USP12: variants seen among roughly 807,000 people sequenced by gnomAD.
USP12 encodes ubiquitin specific peptidase 12, also known as ubiquitin carboxyl-terminal hydrolase 12.
In USP12, 19 loss-of-function variants were observed where a neutral mutation model predicts 45.5. The ratio of observed to expected loss-of-function variants is 0.42; its 90% confidence interval spans 0.29 to 0.61. USP12 has a LOEUF of 0.61. Among genes scored for constraint, USP12 ranks in the 20% least tolerant of loss-of-function variants. The pLI is 0.22. For synonymous variants in USP12, 149 were observed against 148.8 expected, an observed-to-expected ratio of 1.00 and a Z score of -0.01; for missense variants, 242 against 447.7, an observed-to-expected ratio of 0.54 and a Z score of 4.15.
intron 1 of USP12, among the ~76,000 whole-genome samples, chr13:27,126,897 A>T (rs1876263326): frequency 6.6e-6 from 1 of 152,244 alleles, no homozygotes; most frequent in Non-Finnish European, 1.5e-5. Flanking sequence ...AATGCCTGGC[A>T]CAACAGGCAC....
At chr13:27,169,902 A>T (rs910469646) in intron 1 of USP12, among the ~76,000 whole-genome samples, 1 of 152,218 alleles carries the variant, frequency 6.6e-6, no homozygotes, top group Non-Finnish European at 1.5e-5. Context: ...TACTTGAGTG[A>T]ATGAACAGTC....
rs780538190 is a variant in USP12 at position 27,069,012 on chromosome 13, G to A, written c.*271C>T. ...AAGAGAAAATGCGTGCCAATGACTG[G>A]AAGGCTGTTTTAAAAGAGGAGCTGG... On this transcript the variant is annotated 3_prime_UTR_variant, in exon 9 of 9. Coordinates refer to ENST00000282344, the MANE Select transcript of USP12 (RefSeq NM_182488.4). 16 of 452,198 alleles carry A rather than the reference G, an allele frequency of 3.5e-5. No homozygotes were observed. Among genetic ancestry groups the A allele is most frequent in the Admixed American group, 1.2e-4 (3 of 25,230 alleles). 28.0% of individuals were successfully genotyped at this position (452,198 alleles called of 1,614,324 possible). A position where few individuals can be genotyped will look rare whatever the true frequency, so the allele number is the denominator to read the frequency against.
chr13:27,109,801 C>A (rs1379179417), intron 2 of USP12, among the ~76,000 whole-genome samples: 1 of 150,572 alleles, frequency 6.6e-6, no homozygotes, highest in Non-Finnish European at 1.5e-5. Context: ...CCCAGCTACT[C>A]GGGAGGCTGA....
At chr13:27,170,848 G>C (rs1878560538) in intron 1 of USP12, among the ~76,000 whole-genome samples, 1 of 152,222 alleles carries the variant, frequency 6.6e-6, no homozygotes, top group Non-Finnish European at 1.5e-5. Context: ...AGACAAGACT[G>C]CCACCTGGAC....
At chr13:27,162,112 T>C (rs1878136461) in intron 1 of USP12, among the ~76,000 whole-genome samples, 1 of 152,172 alleles carries the variant, frequency 6.6e-6, no homozygotes, top group Non-Finnish European at 1.5e-5. Context: ...TAAGAGGGCA[T>C]GGAGTCTTAC....
At chr13:27,169,181 G>A (rs1321725603) in intron 1 of USP12, 1 of 152,210 alleles carries the variant, frequency 6.6e-6, no homozygotes, top group Non-Finnish European at 1.5e-5. Flanking sequence ...TTACTGCACA[G>A]TAAGTATGAT....
chr13:27,085,119 T>C (rs983493555), intron 6 of USP12, among the ~76,000 whole-genome samples: 2 of 152,152 alleles, frequency 1.3e-5, no homozygotes, highest in African/African-American at 4.8e-5. Context: ...TTCCTAAGTA[T>C]TTTATTGTTT....
At chr13:27,127,839 CAG>C (rs1436241923) in intron 1 of USP12, among the ~76,000 whole-genome samples, 1 of 152,152 alleles carries the variant, frequency 6.6e-6, no homozygotes, top group African/African-American at 2.4e-5. Context: ...TAAATTTACT[CAG>C]AGGACTCCAC....
At chr13:27,089,562 T>A (rs544737735) in intron 6 of USP12, 113 of 211,882 alleles carry the variant, frequency 5.3e-4, no homozygotes, top group African/African-American at 2.4e-3. Context: ...TGGGGAGTGC[T>A]ATCTCCCTCA....
intron 1 of USP12, chr13:27,170,049 A>C: frequency 2.9e-6 from 1 of 339,812 alleles, no homozygotes. Flanking sequence ...GAAATTGACT[A>C]AGATAATAAT....
chr13:27,089,730 T>C lies in USP12; in HGVS notation c.734+153A>G, dbSNP rs139309002. ...AATAAACATTGAGTAGAATATCATTTACCTAGTAATACTTAATGAACATTA... is the reference window on the plus strand; with the variant it reads ...AATAAACATTGAGTAGAATATCATTCACCTAGTAATACTTAATGAACATTA... On this transcript the variant is annotated intron_variant, in intron 6 of 8. Coordinates refer to ENST00000282344, the MANE Select transcript of USP12 (RefSeq NM_182488.4). 297 of 663,698 alleles carry C rather than the reference T, an allele frequency of 4.5e-4. No individual in the cohort carries two copies. The African/African-American group carries it at 4.9e-3, about 11-fold the overall frequency. The allele number at this position is 663,698 out of a possible 1,614,324, so 41.1% of individuals were successfully genotyped here.
At position 27,075,318 on chromosome 13, in the gene USP12, G is replaced by C. The variant is rs368434115; in HGVS notation, c.805C>G (p.His269Asp). The C allele has an allele frequency of 1.3e-5, 21 of 1,614,040 alleles. No individual in the cohort carries two copies. Among genetic ancestry groups the C allele is most frequent in the Non-Finnish European group, 1.7e-5 (20 of 1,180,028 alleles). The change falls in exon 7 of 9, where the codon CAT becomes GAT. Residue 269 changes from histidine (H) to aspartate (D), a missense_variant. This residue lies in a region of USP12 where 94 missense variants were observed against 168.3 expected (regional missense o/e 0.56). Transcript: ENST00000282344. The part of the protein sequence containing the change: ...LKRFKYMDQL[H>D]RYTKLSYRVV... ...CGGTAAGAGAGTTTTGTATATCGAT[G>C]AAGTTGATCCATATATTTAAATCTC...
At chr13:27,125,179 T>C (rs1876169159) in intron 1 of USP12, among the ~76,000 whole-genome samples, 2 of 152,224 alleles carry the variant, frequency 1.3e-5, no homozygotes, top group African/African-American at 4.8e-5. Context: ...TAAGTATGTA[T>C]GTATGTATTG....
At chr13:27,081,613 C>T (rs538764194) in intron 6 of USP12, among the ~76,000 whole-genome samples, 1 of 152,282 alleles carries the variant, frequency 6.6e-6, no homozygotes, top group East Asian at 1.9e-4. Flanking sequence ...CTAATGGCAC[C>T]CAGAATGGTG....
chr13:27,112,033 C>A (rs1312468111), intron 2 of USP12, among the ~76,000 whole-genome samples: 1 of 152,092 alleles, frequency 6.6e-6, no homozygotes, highest in African/African-American at 2.4e-5. Flanking sequence ...AGTTTGAATA[C>A]ATTTAGGAAA....
intron 1 of USP12, among the ~76,000 whole-genome samples, chr13:27,147,195 G>A (rs1443291691): frequency 2.0e-5 from 3 of 152,122 alleles, no homozygotes; most frequent in Non-Finnish European, 4.4e-5. Flanking sequence ...TAAACTCCAC[G>A]CAGCCTACAC....
rs552562748 is a variant in USP12 at position 27,170,566 on chromosome 13, C to T, written c.48+1026G>A. On this transcript the variant is annotated intron_variant, in intron 1 of 8. Coordinates refer to ENST00000282344, the MANE Select transcript of USP12 (RefSeq NM_182488.4). ...AACTAATGAAACGAATTTGTCTCAT[C>T]ATGTGGAAAACTGTGGTCCTTCTGG... 2.6e-5 allele frequency among the ~76,000 whole-genome samples: 4 copies of T among 152,370 alleles called. No individual in the cohort carries two copies. The East Asian group carries it at 7.7e-4, about 29-fold the overall frequency.
intron 6 of USP12, among the ~76,000 whole-genome samples, chr13:27,079,036 C>T (rs183681807): frequency 3.3e-5 from 5 of 151,398 alleles, no homozygotes; most frequent in Admixed American, 2.0e-4. Context: ...GGAAACTAAG[C>T]AACACATTTC....
intron 1 of USP12, among the ~76,000 whole-genome samples, chr13:27,165,769 C>A (rs1409961095): frequency 6.6e-6 from 1 of 152,138 alleles, no homozygotes. Context: ...GTATCAGTAA[C>A]CTCCAGTTTT....
Sources: allele counts gnomAD v4.1 joint callset (sites outside exome capture counted in the v4.1 genomes callset), GRCh38; gene constraint gnomAD v4.1.1; regional missense constraint gnomAD v4.1.1; transcripts MANE v1.5; gene names NCBI Gene and HGNC (gene_info 2026-07-23, HGNC 2026-07-21).